Variants in CABIN1 observed in about 807,000 individuals in gnomAD.
CABIN1 encodes the protein calcineurin binding protein 1, also known as calcineurin-binding protein cabin-1.
A neutral mutation model predicts 227.7 loss-of-function variants in CABIN1; 133 were observed. The ratio of observed to expected loss-of-function variants is 0.58; its 90% CI spans 0.51 to 0.67. The LOEUF (loss-of-function observed/expected upper bound fraction) is 0.67. CABIN1 is among the 30% of genes least tolerant of loss of function. The pLI is 0.00. For synonymous variants in CABIN1, 1,086 were observed against 1,155.1 expected (o/e 0.94, Z 1.21); for missense variants, 2,408 against 2,852.5 (o/e 0.84, Z 3.55).
chr22:24,023,325 G>A lies in CABIN1; in HGVS notation c.-75+11958G>A, dbSNP rs566454934. 3.9e-5 allele frequency among the ~76,000 whole-genome samples: 6 copies of A among 152,130 alleles called. No homozygotes were observed. The East Asian group carries it at 1.2e-3, about 29-fold the overall frequency. On this transcript the variant is annotated intron_variant, in intron 1 of 36. Coordinates refer to ENST00000263119, the MANE Select transcript of CABIN1 (RefSeq NM_012295.4). ...ACACTTGGTTTGTTTCTACCTTTTG[G>A]CTATTGTGAATAATGCTGCAGTGAA...
chr22:24,113,457 C>A, intron 26 of CABIN1, 109 bp from the exon 27 acceptor site: 1 of 1,036,078 alleles, frequency 9.7e-7, no homozygotes, highest in Non-Finnish European at 1.5e-6. Context: ...CCATCTCCTG[C>A]AAAGCAGTCC....
At chr22:24,087,361 G>C in intron 22 of CABIN1, 91 bp from the exon 23 acceptor site, 1 of 1,539,298 alleles carries the variant, frequency 6.5e-7, no homozygotes, top group African/African-American at 1.4e-5. Context: ...GAGTTTCCAT[G>C]GGGTCCATCT....
intron 29 of CABIN1, among the ~76,000 whole-genome samples, 174 bp from the exon 30 acceptor site, chr22:24,164,226 G>A (rs1195808630): frequency 6.6e-6 from 1 of 152,250 alleles, no homozygotes; most frequent in Non-Finnish European, 1.5e-5. Flanking sequence ...TGAGAAGGAA[G>A]GGGGTGGGGA....
intron 14 of CABIN1, among the ~76,000 whole-genome samples, 172 bp from the exon 15 acceptor site, chr22:24,063,863 A>T (rs1402140848): frequency 6.6e-6 from 1 of 152,186 alleles, no homozygotes; most frequent in East Asian, 1.9e-4. Flanking sequence ...GTCAACAAGT[A>T]TTTATTGAGC....
At position 24,177,777 on chromosome 22, in the gene CABIN1, C is replaced by G. The variant is rs961338283; in HGVS notation, c.6479C>G (p.Pro2160Arg). The G allele has an allele frequency of 2.1e-5, 33 of 1,609,632 alleles. No homozygotes were observed. The highest frequency in any genetic ancestry group is 2.7e-5 in the African/African-American group (2 of 74,846). ...VTPPTPTLLS[P>R]KGSISEETKQ... ...CCACCCACCCCAACCCTGCTCTCCC[C>G]CAAAGGCAGCATCTCGGAGGAGACC... Residue 2160 changes from proline (P) to arginine (R), a missense_variant, in exon 36 of 37, where the codon CCC (proline) becomes CGC (arginine). Transcript: ENST00000263119. This position sits in a 1 kb window ranked among gnomAD's most constrained non-coding sequence, Gnocchi z 4.4.
intron 29 of CABIN1, among the ~76,000 whole-genome samples, chr22:24,145,658 G>T (rs2045065751): frequency 1.3e-5 from 2 of 152,172 alleles, no homozygotes; most frequent in Admixed American, 1.3e-4. Flanking sequence ...GTGGCCCTGG[G>T]TCTGCGTGCA....
intron 1 of CABIN1, among the ~76,000 whole-genome samples, chr22:24,027,150 T>C (rs866975174): frequency 2.0e-5 from 3 of 152,226 alleles, no homozygotes; most frequent in Non-Finnish European, 4.4e-5. Context: ...AATGATATTC[T>C]TTTTTTCAAT....
intron 1 of CABIN1, among the ~76,000 whole-genome samples, chr22:24,026,915 A>G (rs1040819814): frequency 6.6e-6 from 1 of 152,184 alleles, no homozygotes; most frequent in Non-Finnish European, 1.5e-5. Context: ...TATAATTACA[A>G]ACAGACCCTG....
In CABIN1 at chr22:24,060,136, A is replaced by C; in HGVS notation, c.1612A>C (p.Ile538Leu). 1 of 1,613,372 alleles carries C rather than the reference A, an allele frequency of 6.2e-7. No homozygotes were observed. Among genetic ancestry groups the C allele is most frequent in the Non-Finnish European group, 8.5e-7 (1 of 1,179,960 alleles). ...GCTGAGGGACTGCAGCAACAAGCAC[A>C]TCAAGGTTAGGGGGAGCCTCTCAAG... ...PLLRDCSNKH[I>L]KDMMLMSLSC... Residue 538 changes from isoleucine to leucine, a missense_variant, in exon 12 of 37, where the codon ATC (isoleucine) becomes CTC (leucine). Physicochemically the swap from Ile to Leu is conservative, Grantham distance 5 (BLOSUM62 2). Transcript: ENST00000263119.
intron 5 of CABIN1, among the ~76,000 whole-genome samples, chr22:24,041,770 G>C (rs1216174668): frequency 2.0e-5 from 3 of 152,188 alleles, no homozygotes; most frequent in Non-Finnish European, 2.9e-5. Context: ...ACACTGCGCT[G>C]TTTGCTTCCT....
chr22:24,065,377 C>T (rs1349408878), intron 15 of CABIN1, among the ~76,000 whole-genome samples: 3 of 149,014 alleles, frequency 2.0e-5, no homozygotes, highest in Admixed American at 6.7e-5. Context: ...AATGGGCAGC[C>T]GGGCAGAGAC....
intron 28 of CABIN1, among the ~76,000 whole-genome samples, chr22:24,129,956 A>T (rs1009365742): frequency 2.0e-5 from 3 of 152,216 alleles, no homozygotes; most frequent in Admixed American, 6.5e-5. Context: ...CTTTAAGCAG[A>T]GGAGTTAGAT....
chr22:24,013,688 T>G (rs2035017766), intron 1 of CABIN1, among the ~76,000 whole-genome samples: 1 of 152,206 alleles, frequency 6.6e-6, no homozygotes, highest in Non-Finnish European at 1.5e-5. Context: ...ATGTTACCAT[T>G]TTTTAAATTA....
intron 29 of CABIN1, among the ~76,000 whole-genome samples, chr22:24,143,581 G>A (rs899149512): frequency 6.6e-6 from 1 of 152,190 alleles, no homozygotes; most frequent in Non-Finnish European, 1.5e-5. Context: ...ATGCTACCCT[G>A]CCTGCAGTGC....
intron 29 of CABIN1, among the ~76,000 whole-genome samples, chr22:24,143,952 G>A (rs2044948376): frequency 6.6e-6 from 1 of 152,222 alleles, no homozygotes; most frequent in Non-Finnish European, 1.5e-5. Flanking sequence ...CAACTGGTTG[G>A]CTGCTCTGGG....
chr22:24,174,750 G>C (rs2148812622), intron 34 of CABIN1, among the ~76,000 whole-genome samples: 1 of 152,172 alleles, frequency 6.6e-6, no homozygotes, highest in South Asian at 2.1e-4. Context: ...TCCTCCTGTG[G>C]GCCTTTCTAT....
rs1710083371 is a variant in CABIN1 at position 24,011,382 on chromosome 22, G to GT, written c.-75+15_-75+16insT. ...GGAGACGCCTGGTGAGTTCCTGGAA[G>GT]GCTGGTTTGAAGGCGGTGCCGGGGT... On this transcript the variant is annotated intron_variant, in intron 1 of 36. Coordinates refer to ENST00000263119, the MANE Select transcript of CABIN1 (RefSeq NM_012295.4). 2 of 152,972 alleles carry GT rather than the reference G, an allele frequency of 1.3e-5. No individual in the cohort carries two copies. The highest frequency in any genetic ancestry group is 4.8e-5 in the African/African-American group (2 of 41,462). 9.5% of individuals were successfully genotyped at this position (152,972 alleles called of 1,614,324 possible).
intron 1 of CABIN1, among the ~76,000 whole-genome samples, chr22:24,015,319 C>G (rs1270464729): frequency 4.7e-5 from 7 of 148,202 alleles, no homozygotes; most frequent in Non-Finnish European, 1.0e-4. Context: ...GAAAATCACC[C>G]CATATCTGTT....
intron 29 of CABIN1, among the ~76,000 whole-genome samples, chr22:24,159,234 C>T (rs147255760): frequency 6.6e-6 from 1 of 152,340 alleles, no homozygotes; most frequent in East Asian, 1.9e-4. Context: ...CTGGGGAGCC[C>T]AGAGTCCAGG....
Sources: gnomAD v4.1 joint callset for allele counts (sites outside exome capture counted in the v4.1 genomes callset) on GRCh38, gnomAD v4.1.1 for gene constraint, Gnocchi (gnomAD v3.1) non-coding constraint, MANE v1.5 for transcripts, NCBI Gene and HGNC (gene_info 2026-07-23, HGNC 2026-07-21) for gene names.